MTUS1: variants seen among roughly 807,000 people sequenced by gnomAD.
The protein encoded by MTUS1 is microtubule associated scaffold protein 1, also known as microtubule-associated tumor suppressor 1.
MTUS1 carries 109 observed loss-of-function variants against 120.8 expected under a neutral mutation model. The ratio of observed to expected loss-of-function variants is 0.90; its 90% CI spans 0.77 to 1.06. The LOEUF is 1.06. MTUS1 is among the 50% of genes least tolerant of loss of function. MTUS1 has a pLI of 0.00. For synonymous variants in MTUS1, 737 were observed against 550.5 expected, an observed-to-expected ratio of 1.34 and a Z score of -4.74; for missense variants, 2,210 against 1,486.3, an observed-to-expected ratio of 1.49 and a Z score of -8.01.
chr8:17,677,149 G>A (rs1464320532), intron 7 of MTUS1, among the ~76,000 whole-genome samples: 1 of 152,124 alleles, frequency 6.6e-6, no homozygotes, highest in Non-Finnish European at 1.5e-5. Flanking sequence ...AAAATAATAA[G>A]TAATTGGTTT....
At position 17,743,683 on chromosome 8, in the gene MTUS1, C is replaced by A. The variant is rs768582476; in HGVS notation, c.2208G>T (p.Leu736Phe). The A allele has an allele frequency of 5.6e-6, 9 of 1,614,162 alleles. No homozygotes were observed. In the Admixed American group the frequency reaches 1.5e-4, roughly 27 times the overall value. ...GATTTCTATTGTCACTGTTCCGCCT[C>A]AAACAGGAAACAGGGGGCCCCACTT... ...KAKVGPPVSC[L>F]RRNSDNRNPS... The change falls in exon 3 of 15, where the codon TTG becomes TTT. Residue 736 changes from leucine to phenylalanine, a missense_variant. Leu to Phe is a conservative substitution (Grantham distance 22). Coordinates refer to ENST00000693296, the MANE Select transcript of MTUS1 (RefSeq NM_001363059.2).
intron 1 of MTUS1, among the ~76,000 whole-genome samples, chr8:17,757,510 A>G (rs1166008709): frequency 6.6e-6 from 1 of 152,174 alleles, no homozygotes; most frequent in Non-Finnish European, 1.5e-5. Flanking sequence ...ATTTAAATCT[A>G]AAACTTTTTG....
intron 1 of MTUS1, among the ~76,000 whole-genome samples, chr8:17,782,206 G>C (rs549873561): frequency 6.2e-4 from 95 of 152,262 alleles, no homozygotes; most frequent in African/African-American, 2.1e-3. Flanking sequence ...TGAGATTTCA[G>C]ATGTGTGTAA....
intron 2 of MTUS1, among the ~76,000 whole-genome samples, chr8:17,747,724 C>T (rs1001519470): frequency 3.3e-5 from 5 of 152,138 alleles, no homozygotes; most frequent in South Asian, 2.1e-4. Context: ...GGGAGACAAG[C>T]GGCTTGACTG....
intron 6 of MTUS1, among the ~76,000 whole-genome samples, chr8:17,699,181 T>G (rs1331919465): frequency 2.0e-5 from 3 of 152,190 alleles, no homozygotes; most frequent in Non-Finnish European, 4.4e-5. Context: ...TGTTGTTTCT[T>G]CAGTAACAGC....
intron 9 of MTUS1, among the ~76,000 whole-genome samples, chr8:17,655,457 A>C (rs1194110679): frequency 6.6e-6 from 1 of 152,128 alleles, no homozygotes; most frequent in Admixed American, 6.5e-5. Flanking sequence ...TTTGGTCATA[A>C]GAAAACTATT....
At chr8:17,734,488 G>A (rs888811735) in intron 3 of MTUS1, among the ~76,000 whole-genome samples, 1 of 151,920 alleles carries the variant, frequency 6.6e-6, no homozygotes, top group East Asian at 1.9e-4. Context: ...AAGTTCTCAC[G>A]ATGACTCGAA....
intron 2 of MTUS1, among the ~76,000 whole-genome samples, chr8:17,746,256 A>C (rs1488912869): frequency 6.6e-6 from 1 of 152,188 alleles, no homozygotes; most frequent in African/African-American, 2.4e-5. Flanking sequence ...ACACTGGTAC[A>C]TCCAAATCCA....
intron 3 of MTUS1, chr8:17,724,293 A>G: frequency 4.8e-6 from 1 of 207,738 alleles, no homozygotes; most frequent in South Asian, 5.8e-5. Flanking sequence ...CTTTGGAATG[A>G]AAGAGAGATC....
At chr8:17,670,846 AC>A (rs1263093183) in intron 8 of MTUS1, among the ~76,000 whole-genome samples, 6 of 150,782 alleles carry the variant, frequency 4.0e-5, no homozygotes, top group African/African-American at 1.5e-4. Context: ...TGGAGCAGAC[AC>A]TTAACATACA....
At chr8:17,708,991 G>T (rs1454883548) in intron 6 of MTUS1, 2 of 152,198 alleles carry the variant, frequency 1.3e-5, no homozygotes, top group Non-Finnish European at 2.9e-5. Context: ...CAAAAAATTA[G>T]CCGGGCATGG....
Position 17,701,418 on chromosome 8 carries a change from TAAGCTCTCA to T in MTUS1, c.2623+11787_2623+11795del, listed in dbSNP as rs1199459832. On this transcript the variant is annotated intron_variant, in intron 6 of 14. Transcript: ENST00000693296. ...CAACTTCCACCCACCTGTAAGATGA[TAAGCTCTCA>T]AAGAACAGTGACATTGCCTTTTATT... Among the ~76,000 whole-genome samples, 3 of 152,192 alleles carry T rather than the reference TAAGCTCTCA, an allele frequency of 2.0e-5. No homozygotes were observed. The East Asian group carries it at 5.8e-4, about 29-fold the overall frequency.
intron 6 of MTUS1, among the ~76,000 whole-genome samples, chr8:17,703,804 G>A (rs1288600828): frequency 6.6e-6 from 1 of 152,078 alleles, no homozygotes; most frequent in African/African-American, 2.4e-5. Flanking sequence ...TACGTGCACT[G>A]CTGAACATAG....
intron 1 of MTUS1, among the ~76,000 whole-genome samples, chr8:17,768,469 CT>C (rs2049741100): frequency 1.3e-5 from 2 of 152,088 alleles, no homozygotes; most frequent in South Asian, 2.1e-4. Context: ...ACATTTAAGA[CT>C]TTTTAAAAGA....
chr8:17,743,532 T>C (rs2047498995), intron 3 of MTUS1, 72 bp downstream of exon 3: 2 of 1,421,108 alleles, frequency 1.4e-6, no homozygotes, highest in Non-Finnish European at 1.9e-6. Flanking sequence ...CAGAAGGCAT[T>C]AGACCTATAA....
intron 1 of MTUS1, among the ~76,000 whole-genome samples, chr8:17,778,390 T>C (rs1466530382): frequency 6.6e-6 from 1 of 152,232 alleles, no homozygotes; most frequent in Non-Finnish European, 1.5e-5. Context: ...AAGGAAACTT[T>C]GAAATAATGA....
At chr8:17,676,391 C>CCGCGCCA (rs1229539471) in intron 7 of MTUS1, 1 of 701,094 alleles carries the variant, frequency 1.4e-6, no homozygotes, top group African/African-American at 1.7e-5. Context: ...ATACAGGTGG[C>CCGCGCCA]CGCGCCACCC....
intron 9 of MTUS1, among the ~76,000 whole-genome samples, chr8:17,655,498 CG>C (rs1001424482): frequency 6.6e-6 from 1 of 152,176 alleles, no homozygotes; most frequent in Non-Finnish European, 1.5e-5. Flanking sequence ...CCAAGGCAGG[CG>C]GATCACCTGA....
At position 17,755,484 on chromosome 8, in the gene MTUS1, A is replaced by G. The variant is rs1160132228; in HGVS notation, c.324T>C (p.Leu108=). ...HKDSICQCPA[L]VGTEKPKYLQ... ...GATATTTGGGCTTCTCAGTACCTACAAGTGCAGGACACTGACAAATAGAAT... is the reference window on the plus strand; with the variant it reads ...GATATTTGGGCTTCTCAGTACCTACGAGTGCAGGACACTGACAAATAGAAT... The change falls in exon 2 of 15, where the codon CTT becomes CTC. Residue 108 remains leucine, a synonymous_variant. Coordinates refer to ENST00000693296, the MANE Select transcript of MTUS1 (RefSeq NM_001363059.2). The G allele has an allele frequency of 1.2e-6, 2 of 1,614,224 alleles. No individual in the cohort carries two copies. Among genetic ancestry groups the G allele is most frequent in the East Asian group, 2.2e-5 (1 of 44,886 alleles).
Sources: gnomAD v4.1 joint callset for allele counts (sites outside exome capture counted in the v4.1 genomes callset) on GRCh38, gnomAD v4.1.1 for gene constraint, MANE v1.5 for transcripts, NCBI Gene and HGNC (gene_info 2026-07-23, HGNC 2026-07-21) for gene names.